The following EBF3 variants were observed in gnomAD, a reference collection of about 807,000 sequenced individuals.
The protein encoded by EBF3 is transcription factor COE3.
In EBF3, 18 loss-of-function variants were observed where a neutral mutation model predicts 77.1. The observed-to-expected ratio is 0.23, with a 90% CI of 0.16 to 0.35. The LOEUF (loss-of-function observed/expected upper bound fraction) is 0.35. EBF3 is among the 10% of genes least tolerant of loss of function. The probability of loss-of-function intolerance (pLI) is 1.00; values close to 1 mark genes in which losing one functional copy is unlikely to be tolerated. For synonymous variants in EBF3, 350 were observed against 343.5 expected (o/e 1.02, Z -0.21); for missense variants, 558 against 860.0 (o/e 0.65, Z 4.39).
chr10:129,907,139 C>T (rs1338849811), intron 6 of EBF3, among the ~76,000 whole-genome samples: 1 of 152,218 alleles, frequency 6.6e-6, no homozygotes, highest in Non-Finnish European at 1.5e-5. Flanking sequence ...AAGCGGCTGA[C>T]ATGTAGAAGA....
intron 6 of EBF3, among the ~76,000 whole-genome samples, chr10:129,913,119 G>A (rs1387464962): frequency 6.6e-6 from 1 of 152,230 alleles, no homozygotes; most frequent in Non-Finnish European, 1.5e-5. Flanking sequence ...GTTCGAGCTA[G>A]GCATTTTTCT....
At position 129,963,942 on chromosome 10, in the gene EBF3, C is replaced by T; in HGVS notation, c.-174G>A. On this transcript the variant is annotated 5_prime_UTR_variant, in exon 1 of 17. Transcript: ENST00000440978. The surrounding 1 kb of genome is among the most constrained non-coding windows in gnomAD (Gnocchi z 7.1). ...GGGCAGGCGCGACATACACCAGCGG[C>T]CGGGCGCTCCGGACGGCCAGGGGCG... 1 of 1,051,362 alleles carries T rather than the reference C, an allele frequency of 9.5e-7. No homozygotes were observed. The highest frequency in any genetic ancestry group is 1.1e-6 in the Non-Finnish European group (1 of 874,796). The allele number at this position is 1,051,362 out of a possible 1,614,324, so 65.1% of individuals were successfully genotyped here.
intron 7 of EBF3, among the ~76,000 whole-genome samples, chr10:129,874,808 T>C (rs1186064266): frequency 6.6e-6 from 1 of 152,068 alleles, no homozygotes; most frequent in Non-Finnish European, 1.5e-5. Context: ...AAGCACGCCA[T>C]GCAAAATGAG....
intron 6 of EBF3, among the ~76,000 whole-genome samples, chr10:129,890,005 A>C (rs1375514890): frequency 1.7e-5 from 2 of 120,156 alleles, no homozygotes; most frequent in Non-Finnish European, 3.2e-5. Flanking sequence ...CTTCCCTGAG[A>C]GTCAAAAGCC....
chr10:129,940,937 C>T (rs1433027169), intron 6 of EBF3, among the ~76,000 whole-genome samples: 1 of 152,186 alleles, frequency 6.6e-6, no homozygotes, highest in East Asian at 1.9e-4. Context: ...GTCCCCGGTC[C>T]CCCAGCCTCG....
chr10:129,849,433 A>G (rs1186724869), intron 10 of EBF3, among the ~76,000 whole-genome samples: 4 of 152,214 alleles, frequency 2.6e-5, no homozygotes. Flanking sequence ...TCTGCCTGCA[A>G]TTTGGGCCAT....
At chr10:129,950,285 C>A (rs1471884545) in intron 6 of EBF3, among the ~76,000 whole-genome samples, 2 of 152,214 alleles carry the variant, frequency 1.3e-5, no homozygotes, top group Admixed American at 1.3e-4. Flanking sequence ...CCACCGTTTG[C>A]AGAGGATGCG....
chr10:129,962,061 T>G, intron 4 of EBF3, 110 bp downstream of exon 4: 1 of 1,007,390 alleles, frequency 9.9e-7, no homozygotes, highest in Non-Finnish European at 1.5e-6. Flanking sequence ...TCAAGGAAAC[T>G]CAATGGAAAA....
In EBF3 at chr10:129,963,417, G is replaced by A; in HGVS notation, c.241C>T (p.Pro81Ser). The A allele has an allele frequency of 6.3e-7, 1 of 1,592,652 alleles. No homozygotes were observed. Among genetic ancestry groups the A allele is most frequent in the East Asian group, 2.3e-5 (1 of 42,632 alleles). ...AAAGCGGTCCTTTCAATCTCCACCG[G>A]CTGCCCCTGCCTATCGTAGAGCGCC... The part of the protein sequence containing the change: ...VLALYDRQGQ[P>S]VEIERTAFVD... The change falls in exon 2 of 17, where the codon CCG becomes TCG. Residue 81 changes from proline to serine, a missense_variant. This residue lies in a region of EBF3 where 84 missense variants were observed against 142.3 expected (regional missense o/e 0.59). Transcript: ENST00000440978. The surrounding 1 kb of genome is among the most constrained non-coding windows in gnomAD (Gnocchi z 7.1).
rs1851784914 is a variant in EBF3, at chr10:129,863,537, A to T, written c.1039+3604T>A. On this transcript the variant is annotated intron_variant, in intron 10 of 16. Transcript: ENST00000440978. The surrounding 1 kb of genome is among the most constrained non-coding windows in gnomAD (Gnocchi z 4.0). ...CGGCCCCTCCTCTGAGCACAGGTTC[A>T]TTAGCCCTCCGCCTGGCGGCCCCAG... Among the ~76,000 whole-genome samples, 1 of 152,204 alleles carries T rather than the reference A, an allele frequency of 6.6e-6. No individual in the cohort carries two copies. The highest frequency in any genetic ancestry group is 1.5e-5 in the Non-Finnish European group (1 of 68,048).
rs1001953640 is a variant in EBF3 at position 129,897,441 on chromosome 10, T to C, written c.555-19592A>G. Among the ~76,000 whole-genome samples, 2 of 152,130 alleles carry C rather than the reference T, an allele frequency of 1.3e-5. No individual in the cohort carries two copies. Among genetic ancestry groups the C allele is most frequent in the African/African-American group, 4.8e-5 (2 of 41,440 alleles). ...GCAAAACCCTGAGGTGCATGGCCTC[T>C]TCTCCCATCCACCCTCCCCTGCAGA... On this transcript the variant is annotated intron_variant, in intron 6 of 16. Coordinates refer to ENST00000440978, the MANE Select transcript of EBF3 (RefSeq NM_001375380.1). This position sits in a 1 kb window ranked among gnomAD's most constrained non-coding sequence, Gnocchi z 4.6.
chr10:129,885,582 T>TC lies in EBF3; in HGVS notation c.555-7734dup, dbSNP rs923581651. ...CTTGTTTCAAGTGCCTATCTTTCTTTCCCCCCTTTACCTATTTCTCTATTT... is the reference window on the plus strand; with the variant it reads ...CTTGTTTCAAGTGCCTATCTTTCTTTCCCCCCCTTTACCTATTTCTCTATTT... On this transcript the variant is annotated intron_variant, in intron 6 of 16. Coordinates refer to ENST00000440978, the MANE Select transcript of EBF3 (RefSeq NM_001375380.1). The surrounding 1 kb of genome is among the most constrained non-coding windows in gnomAD (Gnocchi z 4.0). 1.3e-5 allele frequency among the ~76,000 whole-genome samples: 2 copies of TC among 152,060 alleles called. No homozygotes were observed. Among genetic ancestry groups the TC allele is most frequent in the Non-Finnish European group, 2.9e-5 (2 of 68,018 alleles).
rs530735139 is a variant in EBF3 at position 129,842,871 on chromosome 10, C to T, written c.1194+266G>A. ...CCCAGCGGCACCAACACCGTCCACC[C>T]GCCACTGCACACTGCAGATGGGTTT... On this transcript the variant is annotated intron_variant, in intron 12 of 16. Coordinates refer to ENST00000440978, the MANE Select transcript of EBF3 (RefSeq NM_001375380.1). This position sits in a 1 kb window ranked among gnomAD's most constrained non-coding sequence, Gnocchi z 4.4. Among the ~76,000 whole-genome samples the T allele has an allele frequency of 3.3e-5, 5 of 152,258 alleles. No individual in the cohort carries two copies. Among genetic ancestry groups the T allele is most frequent in the Admixed American group, 1.3e-4 (2 of 15,298 alleles).
At chr10:129,941,898 G>A (rs1857770890) in intron 6 of EBF3, among the ~76,000 whole-genome samples, 1 of 152,244 alleles carries the variant, frequency 6.6e-6, no homozygotes, top group African/African-American at 2.4e-5. Context: ...CAGGTGCTGG[G>A]TGAGATCCCA....
chr10:129,873,335 G>A (rs187874382), intron 8 of EBF3, 117 bp downstream of exon 8: 643 of 1,236,708 alleles, frequency 5.2e-4, no homozygotes, highest in Middle Eastern at 4.1e-3. Context: ...CCTTGGTGCA[G>A]GAGGTCTGAC....
intron 15 of EBF3, among the ~76,000 whole-genome samples, chr10:129,839,550 C>T (rs1298096407): frequency 1.3e-5 from 2 of 152,132 alleles, no homozygotes; most frequent in Admixed American, 6.5e-5. Context: ...CCTCCTGATT[C>T]TTTGAAAGAG....
Position 129,948,456 on chromosome 10 carries a change from G to A in EBF3, c.554+8802C>T, listed in dbSNP as rs181777532. The stretch of plus-strand genomic sequence containing the variant: ...GTGAAACTATTCTGCACGGCACTGC[G>A]ATGGCAGGTACGTGCCACGATGCGT... On this transcript the variant is annotated intron_variant, in intron 6 of 16. Coordinates refer to ENST00000440978, the MANE Select transcript of EBF3 (RefSeq NM_001375380.1). Among the ~76,000 whole-genome samples the A allele has an allele frequency of 7.9e-3, 1,195 of 152,226 alleles. 24 individuals are homozygous for A. The highest frequency in any genetic ancestry group is 4.9e-3 in the Non-Finnish European group (331 of 68,020).
intron 7 of EBF3, among the ~76,000 whole-genome samples, chr10:129,875,907 C>T (rs1852741736): frequency 6.6e-6 from 1 of 152,242 alleles, no homozygotes; most frequent in African/African-American, 2.4e-5. Flanking sequence ...GCATTGAAGA[C>T]ACTCTACAAA....
chr10:129,946,495 A>T (rs1403091619), intron 6 of EBF3, among the ~76,000 whole-genome samples: 1 of 152,132 alleles, frequency 6.6e-6, no homozygotes, highest in African/African-American at 2.4e-5. Context: ...CTTAAAGTTA[A>T]ATGTCTCATA....
Sources: gnomAD v4.1 joint callset for allele counts (sites outside exome capture counted in the v4.1 genomes callset) on GRCh38, gnomAD v4.1.1 for gene constraint, gnomAD v4.1.1 regional missense constraint, Gnocchi (gnomAD v3.1) non-coding constraint, MANE v1.5 for transcripts, NCBI Gene and HGNC (gene_info 2026-07-23, HGNC 2026-07-21) for gene names.